The following MINPP1 variants were observed in gnomAD, a reference collection of about 807,000 sequenced individuals.
The protein encoded by MINPP1 is multiple inositol-polyphosphate phosphatase 1.
Under a neutral mutation model 46.1 loss-of-function variants are expected in MINPP1, and 28 were observed. That is an observed-to-expected ratio of 0.61 (90% CI 0.45 to 0.83). The LOEUF (loss-of-function observed/expected upper bound fraction) is 0.83, where lower values mean the gene tolerates loss of function less well. Ranked by LOEUF, MINPP1 falls within the 40% of genes least tolerant of loss-of-function variation. MINPP1 has a pLI of 0.00. For missense variants in MINPP1, 603 were observed against 610.0 expected, an observed-to-expected ratio of 0.99 and a Z score of 0.12; for synonymous variants, 268 against 249.1, an observed-to-expected ratio of 1.08 and a Z score of -0.72.
At chr10:87,520,183 T>G (rs940949201) in intron 3 of MINPP1, among the ~76,000 whole-genome samples, 1 of 152,094 alleles carries the variant, frequency 6.6e-6, no homozygotes, top group Non-Finnish European at 1.5e-5. Flanking sequence ...ATCTATAATA[T>G]AGAACTTTTT....
chr10:87,541,085 A>G (rs1442585468), intron 4 of MINPP1, among the ~76,000 whole-genome samples: 1 of 152,226 alleles, frequency 6.6e-6, no homozygotes, highest in East Asian at 1.9e-4. Context: ...TGCAATAGAA[A>G]CATAATTTGT....
intron 4 of MINPP1, among the ~76,000 whole-genome samples, chr10:87,524,018 G>A (rs1176145546): frequency 6.6e-6 from 1 of 152,202 alleles, no homozygotes; most frequent in East Asian, 1.9e-4. Context: ...TGACCAGTGA[G>A]TATTGGCTTC....
chr10:87,517,977 TGA>T, intron 3 of MINPP1, among the ~76,000 whole-genome samples: 2 of 150,074 alleles, frequency 1.3e-5, no homozygotes, highest in Non-Finnish European at 3.0e-5. Context: ...TTTTTTTTTT[TGA>T]GACAGAGTCT....
At chr10:87,538,124 T>A (rs1346163467) in intron 4 of MINPP1, among the ~76,000 whole-genome samples, 4 of 151,276 alleles carry the variant, frequency 2.6e-5, no homozygotes, top group Admixed American at 2.0e-4. Flanking sequence ...TTTTTTTTTT[T>A]ACCTATTCCT....
intron 1 of MINPP1, among the ~76,000 whole-genome samples, chr10:87,507,265 G>A (rs1413735562): frequency 6.6e-6 from 1 of 152,194 alleles, no homozygotes; most frequent in Non-Finnish European, 1.5e-5. Flanking sequence ...TAGATTTGTA[G>A]TTTTGTAGAA....
intron 1 of MINPP1, chr10:87,508,054 C>A: frequency 6.9e-7 from 1 of 1,446,024 alleles, no homozygotes. Context: ...AGAAACAGTA[C>A]TTATTAATGT....
At chr10:87,522,538 T>G (rs570071604) in intron 4 of MINPP1, among the ~76,000 whole-genome samples, 2 of 152,320 alleles carry the variant, frequency 1.3e-5, no homozygotes, top group East Asian at 3.9e-4. Context: ...AAAGTTATGT[T>G]TATACTATAA....
chr10:87,505,553 G>T lies in MINPP1; in HGVS notation c.637+1G>T. On this transcript the variant is annotated splice_donor_variant, in intron 1 of 4. Transcript: ENST00000371996. LOFTEE classifies it high-confidence loss of function. The surrounding 1 kb of genome is among the most constrained non-coding windows in gnomAD (Gnocchi z 4.4). ...GGCTTGCCGCCGCCGGACGTCGCAG[G>T]TGACCCCCCGGGCGGCCCGTGTGCT... The T allele has an allele frequency of 6.2e-7, 1 of 1,601,866 alleles. No homozygotes were observed. The highest frequency in any genetic ancestry group is 1.1e-5 in the South Asian group (1 of 90,226).
chr10:87,541,566 C>T (rs1467213815), intron 4 of MINPP1, among the ~76,000 whole-genome samples: 4 of 152,158 alleles, frequency 2.6e-5, no homozygotes, highest in Non-Finnish European at 5.9e-5. Flanking sequence ...ACAACTTCTG[C>T]GTTAGTCCAT....
chr10:87,525,771 G>T (rs1851567799), intron 4 of MINPP1, among the ~76,000 whole-genome samples: 1 of 152,088 alleles, frequency 6.6e-6, no homozygotes, highest in South Asian at 2.1e-4. Context: ...TGCTCTCATT[G>T]TTCAGTTCCC....
At chr10:87,529,656 T>C (rs12267310) in intron 4 of MINPP1, among the ~76,000 whole-genome samples, 2,049 of 152,308 alleles carry the variant, frequency 0.013, 46 homozygotes, top group African/African-American at 0.047. Flanking sequence ...TCATTTCAAC[T>C]TTAGTGAATC....
In MINPP1 at chr10:87,511,305, T is replaced by C. The variant is rs556011971; in HGVS notation, c.836-1819T>C. 1.5e-3 allele frequency among the ~76,000 whole-genome samples: 233 copies of C among 152,316 alleles called. 1 individual carries two copies. Among genetic ancestry groups the C allele is most frequent in the Non-Finnish European group, 2.1e-3 (142 of 68,026 alleles). ...TTTGATTGCACAGAAGTTTACATCTTTTACATAGCCATATCTGTCTCTTCA... is the reference window on the plus strand; with the variant it reads ...TTTGATTGCACAGAAGTTTACATCTCTTACATAGCCATATCTGTCTCTTCA... On this transcript the variant is annotated intron_variant, in intron 2 of 4. Transcript: ENST00000371996.
chr10:87,547,534 G>C (rs565523131), intron 4 of MINPP1, among the ~76,000 whole-genome samples: 1 of 152,004 alleles, frequency 6.6e-6, no homozygotes, highest in Admixed American at 6.6e-5. Flanking sequence ...AAAATTTTTT[G>C]GTATAAATTG....
At chr10:87,535,734 C>A (rs1331449611) in intron 4 of MINPP1, among the ~76,000 whole-genome samples, 1 of 151,430 alleles carries the variant, frequency 6.6e-6, no homozygotes, top group Non-Finnish European at 1.5e-5. Context: ...TTGAGACCAG[C>A]GTGGGCAACA....
chr10:87,543,191 C>T (rs1228258673), intron 4 of MINPP1, among the ~76,000 whole-genome samples: 2 of 152,068 alleles, frequency 1.3e-5, no homozygotes, highest in Admixed American at 6.6e-5. Flanking sequence ...TTCTAACAGC[C>T]TATGATCTAA....
rs564995327 is a variant in MINPP1, at chr10:87,549,798, T to C, written c.1068-2284T>C. On this transcript the variant is annotated intron_variant, in intron 4 of 4. Transcript: ENST00000371996. ...TTCCATGGAGAGCAATAACTGAAAG[T>C]TGAATTTAGGATTGCTTCTGGCTTT... Among the ~76,000 whole-genome samples, 1,198 of 152,282 alleles carry C rather than the reference T, an allele frequency of 7.9e-3. 10 individuals carry two copies. The highest frequency in any genetic ancestry group is 9.6e-3 in the Non-Finnish European group (654 of 68,018).
At chr10:87,541,497 T>C (rs1359236224) in intron 4 of MINPP1, among the ~76,000 whole-genome samples, 3 of 152,214 alleles carry the variant, frequency 2.0e-5, no homozygotes, top group Non-Finnish European at 4.4e-5. Flanking sequence ...GGGAGTTGTT[T>C]GGAAAAAACT....
In MINPP1 at chr10:87,504,979, G is replaced by T; in HGVS notation, c.64G>T (p.Ala22Ser). The T allele has an allele frequency of 6.2e-7, 1 of 1,612,294 alleles. No individual in the cohort carries two copies. Among genetic ancestry groups the T allele is most frequent in the Non-Finnish European group, 8.5e-7 (1 of 1,179,676 alleles). ...AGCGCCTGCCGCGGCCCTGGCTGCG[G>T]CGCTGCTCTCGTCGCTTGCGCGCTG... The part of the protein sequence containing the change: ...SVAPAAALAA[A>S]LLSSLARCSL... The change falls in exon 1 of 5, where the codon GCG becomes TCG. Residue 22 changes from alanine to serine, a missense_variant. Transcript: ENST00000371996.
intron 4 of MINPP1, among the ~76,000 whole-genome samples, chr10:87,550,848 A>G (rs916853602): frequency 1.3e-5 from 2 of 151,836 alleles, no homozygotes; most frequent in Non-Finnish European, 2.9e-5. Flanking sequence ...TGGAGAGTTC[A>G]CAGGAGCTCC....
Sources: gnomAD v4.1 joint callset for allele counts (sites outside exome capture counted in the v4.1 genomes callset) on GRCh38, gnomAD v4.1.1 for gene constraint, Gnocchi (gnomAD v3.1) non-coding constraint, MANE v1.5 for transcripts, NCBI Gene and HGNC (gene_info 2026-07-23, HGNC 2026-07-21) for gene names.